Variants in IGSF21 observed in about 807,000 individuals in gnomAD.
IGSF21 encodes the protein immunoglobulin superfamily member 21.
Under a neutral mutation model 46.8 loss-of-function variants are expected in IGSF21, and 28 were observed. The observed-to-expected ratio is 0.60, with a 90% CI of 0.44 to 0.82. The LOEUF (loss-of-function observed/expected upper bound fraction) is 0.82. Ranked by LOEUF, IGSF21 falls within the 40% of genes least tolerant of loss-of-function variation. The probability of loss-of-function intolerance (pLI) is 0.00; values close to 1 mark genes in which losing one functional copy is unlikely to be tolerated. For missense variants in IGSF21, 624 were observed against 665.5 expected (o/e 0.94, Z 0.69); for synonymous variants, 284 against 273.6 (o/e 1.04, Z -0.38).
chr1:18,302,869 C>G (rs926587283), intron 3 of IGSF21, among the ~76,000 whole-genome samples: 17 of 152,204 alleles, frequency 1.1e-4, no homozygotes, highest in Non-Finnish European at 2.2e-4. Context: ...ACAGCTGCCA[C>G]TGAGTTCTCT....
chr1:18,190,115 C>G (rs1222032100), intron 1 of IGSF21, among the ~76,000 whole-genome samples: 1 of 152,174 alleles, frequency 6.6e-6, no homozygotes, highest in African/African-American at 2.4e-5. Context: ...ACCGCCAGAC[C>G]CAAGGTGATG....
chr1:18,175,835 G>A (rs1347994034), intron 1 of IGSF21, among the ~76,000 whole-genome samples: 1 of 152,218 alleles, frequency 6.6e-6, no homozygotes, highest in Non-Finnish European at 1.5e-5. Context: ...TTATGCATGT[G>A]CCTGTTAATC....
chr1:18,121,042 A>G (rs2086229872), intron 1 of IGSF21, among the ~76,000 whole-genome samples: 1 of 152,034 alleles, frequency 6.6e-6, no homozygotes, highest in East Asian at 1.9e-4. Context: ...TCTTTCCACC[A>G]TCCCCACTGG....
At chr1:18,186,396 C>T (rs1454461836) in intron 1 of IGSF21, among the ~76,000 whole-genome samples, 1 of 152,130 alleles carries the variant, frequency 6.6e-6, no homozygotes, top group Non-Finnish European at 1.5e-5. Flanking sequence ...GTCTCAAAGC[C>T]GGGCACCTGG....
intron 1 of IGSF21, among the ~76,000 whole-genome samples, chr1:18,160,764 T>G (rs1465896540): frequency 6.6e-6 from 1 of 152,152 alleles, no homozygotes; most frequent in African/African-American, 2.4e-5. Context: ...GGAATCACAG[T>G]CCCTGCACCC....
At chr1:18,260,686 G>A (rs2084938913) in intron 2 of IGSF21, among the ~76,000 whole-genome samples, 1 of 152,226 alleles carries the variant, frequency 6.6e-6, no homozygotes, top group East Asian at 1.9e-4. Context: ...CATGGCAATG[G>A]TAAACTGACA....
chr1:18,297,347 C>T (rs1404974927), intron 3 of IGSF21, among the ~76,000 whole-genome samples: 2 of 152,088 alleles, frequency 1.3e-5, no homozygotes, highest in African/African-American at 4.8e-5. Flanking sequence ...TCCAGGCCCC[C>T]GTTCCTTCCC....
At chr1:18,252,739 G>A (rs114422545) in intron 2 of IGSF21, among the ~76,000 whole-genome samples, 2,081 of 152,282 alleles carry the variant, frequency 0.014, 41 homozygotes, top group African/African-American at 0.044. Context: ...TCCTTCTTGT[G>A]CCTGAGAAAC....
At chr1:18,377,601 G>A (rs994278327) in intron 9 of IGSF21, among the ~76,000 whole-genome samples, 170 bp downstream of exon 9, 18 of 152,172 alleles carry the variant, frequency 1.2e-4, no homozygotes, top group Admixed American at 1.0e-3. Flanking sequence ...GGGCAGAGGT[G>A]GGTACTGAGG....
At chr1:18,298,851 G>A (rs1020662015) in intron 3 of IGSF21, among the ~76,000 whole-genome samples, 2 of 152,152 alleles carry the variant, frequency 1.3e-5, no homozygotes, top group Non-Finnish European at 2.9e-5. Context: ...ACGCCCGTTG[G>A]CCTATAAGCT....
At chr1:18,156,411 A>G (rs990068490) in intron 1 of IGSF21, among the ~76,000 whole-genome samples, 1 of 152,202 alleles carries the variant, frequency 6.6e-6, no homozygotes, top group Non-Finnish European at 1.5e-5. Context: ...GGAGAAAATC[A>G]GAGAGGCTTA....
chr1:18,317,033 C>T (rs2085549830), intron 3 of IGSF21, among the ~76,000 whole-genome samples: 2 of 152,186 alleles, frequency 1.3e-5, no homozygotes, highest in Admixed American at 6.5e-5. Flanking sequence ...CTCTCTAACA[C>T]TCCCTGTTTG....
chr1:18,247,816 G>A (rs1020362872), intron 2 of IGSF21, among the ~76,000 whole-genome samples: 1 of 152,176 alleles, frequency 6.6e-6, no homozygotes, highest in Non-Finnish European at 1.5e-5. Context: ...TATAGATGAG[G>A]AGACAGAGAC....
At chr1:18,210,085 T>C (rs1041994521) in intron 1 of IGSF21, among the ~76,000 whole-genome samples, 5 of 152,180 alleles carry the variant, frequency 3.3e-5, no homozygotes, top group African/African-American at 9.7e-5. Context: ...TCGGGTGACA[T>C]CCAGGCACTC....
At chr1:18,302,828 G>T (rs987279592) in intron 3 of IGSF21, among the ~76,000 whole-genome samples, 2 of 152,282 alleles carry the variant, frequency 1.3e-5, no homozygotes, top group African/African-American at 2.4e-5. Flanking sequence ...GACATTTGAG[G>T]CAGGGAATTG....
chr1:18,145,523 C>G (rs2086457486), intron 1 of IGSF21, among the ~76,000 whole-genome samples: 1 of 152,160 alleles, frequency 6.6e-6, no homozygotes, highest in Admixed American at 6.5e-5. Flanking sequence ...GGCACTGGGC[C>G]CTGGGACAGA....
At chr1:18,171,857 G>A (rs2086740502) in intron 1 of IGSF21, among the ~76,000 whole-genome samples, 1 of 152,240 alleles carries the variant, frequency 6.6e-6, no homozygotes. Context: ...CTAAGGCTAA[G>A]CCAATCCTGG....
intron 4 of IGSF21, among the ~76,000 whole-genome samples, chr1:18,356,587 G>A (rs1017845867): frequency 1.3e-5 from 2 of 152,234 alleles, no homozygotes; most frequent in African/African-American, 4.8e-5. Flanking sequence ...TGATATCTGT[G>A]TTCACAGCTG....
At chr1:18,286,613 G>A (rs567912345) in intron 2 of IGSF21, among the ~76,000 whole-genome samples, 6 of 152,320 alleles carry the variant, frequency 3.9e-5, no homozygotes, top group East Asian at 1.9e-4. Flanking sequence ...GCCTCACATC[G>A]GAGGTGGTCT....
Sources: allele counts gnomAD v4.1 joint callset (sites outside exome capture counted in the v4.1 genomes callset), GRCh38; gene constraint gnomAD v4.1.1; transcripts MANE v1.5; gene names NCBI Gene and HGNC (gene_info 2026-07-23, HGNC 2026-07-21).